TNN: variants seen among roughly 807,000 people sequenced by gnomAD.
TNN encodes the protein tenascin N.
In TNN, 122 loss-of-function variants were observed where a neutral mutation model predicts 134.4. The ratio of observed to expected loss-of-function variants is 0.91; its 90% CI spans 0.78 to 1.06. The LOEUF is 1.06. TNN is among the 50% of genes least tolerant of loss of function. The pLI, the probability that TNN is intolerant of heterozygous loss-of-function variation, is 0.00. For synonymous variants in TNN, 710 were observed against 670.3 expected (o/e 1.06, Z -0.91); for missense variants, 1,739 against 1,699.4 (o/e 1.02, Z -0.41).
intron 6 of TNN, among the ~76,000 whole-genome samples, chr1:175,087,178 G>A (rs955269595): frequency 6.6e-6 from 1 of 152,192 alleles, no homozygotes; most frequent in Non-Finnish European, 1.5e-5. Flanking sequence ...CTGGGAGAAA[G>A]AAACATGGAA....
At chr1:175,100,294 T>C (rs761432644) in intron 9 of TNN, among the ~76,000 whole-genome samples, 1 of 152,156 alleles carries the variant, frequency 6.6e-6, no homozygotes, top group Admixed American at 6.5e-5. Context: ...CCACACTGAG[T>C]TGTGACAACC....
chr1:175,091,224 C>T (rs1186472622), intron 6 of TNN, among the ~76,000 whole-genome samples: 1 of 152,154 alleles, frequency 6.6e-6, no homozygotes, highest in Non-Finnish European at 1.5e-5. Flanking sequence ...TGTGAAGAGC[C>T]CCTTCTGAGT....
At chr1:175,087,312 A>C (rs985670785) in intron 6 of TNN, among the ~76,000 whole-genome samples, 13 of 152,228 alleles carry the variant, frequency 8.5e-5, no homozygotes, top group African/African-American at 2.9e-4. Flanking sequence ...TGGAAGAGAA[A>C]GGAGCAGGTA....
chr1:175,115,370 C>T (rs865931524), intron 9 of TNN, among the ~76,000 whole-genome samples: 5 of 152,056 alleles, frequency 3.3e-5, no homozygotes, highest in South Asian at 2.1e-4. Context: ...CAGGCCCCTA[C>T]GAGTAGAGTG....
At chr1:175,071,627 TA>T (rs1673917414) in intron 1 of TNN, among the ~76,000 whole-genome samples, 1 of 152,184 alleles carries the variant, frequency 6.6e-6, no homozygotes, top group Non-Finnish European at 1.5e-5. Context: ...TTGTTTTGTA[TA>T]TACAGGACAT....
intron 9 of TNN, among the ~76,000 whole-genome samples, chr1:175,113,596 T>C (rs1413890120): frequency 6.6e-6 from 1 of 152,234 alleles, no homozygotes; most frequent in Non-Finnish European, 1.5e-5. Flanking sequence ...TGAATATTCA[T>C]ATCTCTCCCC....
At chr1:175,075,872 G>A (rs1009340977) in intron 1 of TNN, among the ~76,000 whole-genome samples, 1 of 152,138 alleles carries the variant, frequency 6.6e-6, no homozygotes, top group Admixed American at 6.5e-5. Flanking sequence ...CTCTCACCAC[G>A]GGCAGGGAGA....
rs1339780144 is a variant in TNN at position 175,080,384 on chromosome 1, A to C, written c.1006A>C (p.Asn336His). ...CATAGTCACCCTGCGTAACGTCAAG[A>C]ATGAAGTTTCTAGCAGCCCACAGCA... is the stretch of plus-strand genomic sequence containing the variant. Reference protein sequence around the residue: ...KYIVTLRNVKNEVSSSPQHLL... With the variant: ...KYIVTLRNVKHEVSSSPQHLL... The change falls in exon 4 of 19, where the codon AAT becomes CAT. Residue 336 changes from asparagine (N) to histidine (H), a missense_variant. Physicochemically the swap from Asn to His is moderately conservative, Grantham distance 68. Transcript: ENST00000239462. 6.2e-7 allele frequency: 1 copy of C among 1,614,026 alleles called. No homozygotes were observed. Among genetic ancestry groups the C allele is most frequent in the Non-Finnish European group, 8.5e-7 (1 of 1,179,978 alleles).
Position 175,132,623 on chromosome 1 carries a change from C to G in TNN, c.3331-3222C>G, listed in dbSNP as rs959852681. ...TATGTGGTGTCTCATTTAGTCCTCC[C>G]AGAAGTCTTATGAAGTAGGCTCTTC... On this transcript the variant is annotated intron_variant, in intron 15 of 18. Coordinates refer to ENST00000239462, the MANE Select transcript of TNN (RefSeq NM_022093.2). 2.0e-5 allele frequency among the ~76,000 whole-genome samples: 3 copies of G among 152,326 alleles called. No individual in the cohort carries two copies. In the South Asian group the frequency reaches 6.2e-4, roughly 32 times the overall value.
At chr1:175,141,432 G>C (rs1240760506) in intron 17 of TNN, among the ~76,000 whole-genome samples, 1 of 152,062 alleles carries the variant, frequency 6.6e-6, no homozygotes, top group Non-Finnish European at 1.5e-5. Context: ...GGGGAGCTCT[G>C]GAAGCATTTA....
At chr1:175,119,638 CTTT>C (rs869293406) in intron 11 of TNN, among the ~76,000 whole-genome samples, 5 of 131,556 alleles carry the variant, frequency 3.8e-5, no homozygotes, top group Non-Finnish European at 3.1e-5. Flanking sequence ...CCTTTTTTTT[CTTT>C]TTTTTTTTTT....
At chr1:175,079,830 C>A in intron 3 of TNN, 123 bp downstream of exon 3, 1 of 1,328,334 alleles carries the variant, frequency 7.5e-7, no homozygotes, top group East Asian at 2.5e-5. Flanking sequence ...TTGCTGAGTC[C>A]CAACCCCAGA....
intron 5 of TNN, 100 bp downstream of exon 5, chr1:175,084,035 A>C (rs1433356291): frequency 1.8e-5 from 23 of 1,249,306 alleles, no homozygotes; most frequent in Non-Finnish European, 2.5e-5. Context: ...AAGTGTGCAC[A>C]GACAGCCCAG....
At chr1:175,087,752 A>AC (rs1304064326) in intron 6 of TNN, among the ~76,000 whole-genome samples, 3 of 152,238 alleles carry the variant, frequency 2.0e-5, no homozygotes, top group African/African-American at 7.2e-5. Context: ...TTAAAGGCCC[A>AC]GTCCCACAAG....
intron 17 of TNN, among the ~76,000 whole-genome samples, chr1:175,138,651 G>T (rs1229933718): frequency 6.6e-6 from 1 of 152,162 alleles, no homozygotes; most frequent in Admixed American, 6.5e-5. Flanking sequence ...ACTGCCTTTG[G>T]ATACTGTCAC....
At chr1:175,124,235 G>A (rs744010) in intron 12 of TNN, among the ~76,000 whole-genome samples, 6 of 152,168 alleles carry the variant, frequency 3.9e-5, no homozygotes, top group East Asian at 1.9e-4. Flanking sequence ...ATGGCTGAGC[G>A]CACCAAGTGT....
intron 9 of TNN, among the ~76,000 whole-genome samples, chr1:175,110,864 C>T (rs567892836): frequency 1.3e-5 from 2 of 152,236 alleles, no homozygotes; most frequent in South Asian, 2.1e-4. Flanking sequence ...TTCTGTGGTT[C>T]CATATGAATT....
At chr1:175,124,650 C>T (rs1045505792) in intron 12 of TNN, among the ~76,000 whole-genome samples, 3 of 151,906 alleles carry the variant, frequency 2.0e-5, no homozygotes. Flanking sequence ...CATTGCACTC[C>T]AGCCTGGGCA....
Position 175,087,716 on chromosome 1 carries a change from CT to C in TNN, c.1324+2223del, listed in dbSNP as rs1214595451. 2.0e-5 allele frequency among the ~76,000 whole-genome samples: 3 copies of C among 152,264 alleles called. No homozygotes were observed. In the East Asian group the frequency reaches 5.8e-4, roughly 29 times the overall value. On this transcript the variant is annotated intron_variant, in intron 6 of 18. Coordinates refer to ENST00000239462, the MANE Select transcript of TNN (RefSeq NM_022093.2). ...TCAATTCATATCTGACATTGTCTCC[CT>C]GGAAATAGCCTCAGATCCCACAAGT...
Sources: gnomAD v4.1 joint callset for allele counts (sites outside exome capture counted in the v4.1 genomes callset) on GRCh38, gnomAD v4.1.1 for gene constraint, MANE v1.5 for transcripts, NCBI Gene and HGNC (gene_info 2026-07-23, HGNC 2026-07-21) for gene names.